The following RPS6KC1 variants were observed in gnomAD, a reference collection of about 807,000 sequenced individuals.
The protein encoded by RPS6KC1 is ribosomal protein S6 kinase C1.
A neutral mutation model predicts 103.8 loss-of-function variants in RPS6KC1; 54 were observed. The observed-to-expected ratio is 0.52, with a 90% CI of 0.42 to 0.65. RPS6KC1 has a LOEUF of 0.65. Ranked by LOEUF, RPS6KC1 falls within the 30% of genes least tolerant of loss-of-function variation. RPS6KC1 has a pLI of 0.00. For synonymous variants in RPS6KC1, 439 were observed against 438.7 expected, an observed-to-expected ratio of 1.00 and a Z score of -0.01; for missense variants, 1,151 against 1,253.8, an observed-to-expected ratio of 0.92 and a Z score of 1.24.
the RPS6KC1 span, among the ~76,000 whole-genome samples, chr1:213,336,424 G>A: frequency 6.6e-6 from 1 of 152,168 alleles, no homozygotes; most frequent in Admixed American, 6.5e-5. Context: ...CTAGAAGACT[G>A]CTGGGTGCAG....
At chr1:213,624,924 A>G in the RPS6KC1 span, among the ~76,000 whole-genome samples, 2 of 152,176 alleles carry the variant, frequency 1.3e-5, no homozygotes, top group Non-Finnish European at 2.9e-5. Flanking sequence ...CGACATAAAC[A>G]TTCAGTCTAT....
At chr1:213,790,913 T>C in the RPS6KC1 span, among the ~76,000 whole-genome samples, 1 of 108,056 alleles carries the variant, frequency 9.3e-6, no homozygotes, top group Non-Finnish European at 1.7e-5. Context: ...TTCCTTCTTT[T>C]AAATAGTGTT....
At chr1:213,472,341 T>C in the RPS6KC1 span, among the ~76,000 whole-genome samples, 4 of 152,342 alleles carry the variant, frequency 2.6e-5, no homozygotes, top group Middle Eastern at 3.4e-3. Flanking sequence ...ATGAACCATA[T>C]TGTTAGGTAA....
downstream of RPS6KC1, among the ~76,000 whole-genome samples, chr1:213,276,320 C>T (rs558711189): frequency 6.6e-6 from 1 of 152,140 alleles, no homozygotes; most frequent in African/African-American, 2.4e-5. Flanking sequence ...TAAAACTGAT[C>T]ATCTTTTTTC....
chr1:213,213,150 C>T (rs2148686556), intron 8 of RPS6KC1, among the ~76,000 whole-genome samples: 1 of 152,288 alleles, frequency 6.6e-6, no homozygotes, highest in African/African-American at 2.4e-5. Context: ...TCACCATATT[C>T]AGAGTTATCT....
At chr1:213,691,289 A>C in the RPS6KC1 span, among the ~76,000 whole-genome samples, 1 of 152,176 alleles carries the variant, frequency 6.6e-6, no homozygotes, top group Non-Finnish European at 1.5e-5. Context: ...TAAACCTCCA[A>C]AAGCAAATAC....
chr1:213,060,085 T>C (rs1305031068), intron 1 of RPS6KC1, among the ~76,000 whole-genome samples: 1 of 152,240 alleles, frequency 6.6e-6, no homozygotes, highest in Non-Finnish European at 1.5e-5. Flanking sequence ...CCCAAAGTGC[T>C]GGGATTGCCG....
the RPS6KC1 span, among the ~76,000 whole-genome samples, chr1:213,743,140 T>A: frequency 6.6e-6 from 1 of 152,232 alleles, no homozygotes; most frequent in East Asian, 1.9e-4. Flanking sequence ...TCAGCCTCGG[T>A]GTCCATCAAT....
At chr1:213,735,527 A>G in the RPS6KC1 span, among the ~76,000 whole-genome samples, 6 of 152,328 alleles carry the variant, frequency 3.9e-5, no homozygotes, top group African/African-American at 1.4e-4. Context: ...AGGTTGGCCT[A>G]CAATGTGAAA....
the RPS6KC1 span, among the ~76,000 whole-genome samples, chr1:213,637,676 C>T: frequency 6.6e-6 from 1 of 152,118 alleles, no homozygotes. Flanking sequence ...GTAGCTGTGT[C>T]ATTTTGCATT....
At chr1:213,109,168 G>T (rs113143975) in intron 4 of RPS6KC1, among the ~76,000 whole-genome samples, 3 of 151,802 alleles carry the variant, frequency 2.0e-5, no homozygotes, top group Non-Finnish European at 4.4e-5. Context: ...ACGGGGTCTC[G>T]CTCTGTTGCC....
chr1:213,609,179 C>T, the RPS6KC1 span, among the ~76,000 whole-genome samples: 7 of 152,196 alleles, frequency 4.6e-5, no homozygotes, highest in East Asian at 1.9e-4. Context: ...CCATATACCA[C>T]GTATAAATGT....
the RPS6KC1 span, among the ~76,000 whole-genome samples, chr1:213,406,567 C>T: frequency 1.3e-5 from 2 of 152,082 alleles, no homozygotes; most frequent in African/African-American, 4.8e-5. Context: ...GTTTTATCAC[C>T]CCTAGAAGAG....
At chr1:213,800,607 C>T in the RPS6KC1 span, among the ~76,000 whole-genome samples, 2 of 152,204 alleles carry the variant, frequency 1.3e-5, no homozygotes, top group South Asian at 4.2e-4. Context: ...GGACACCTGG[C>T]CACCTGTAAG....
At chr1:213,454,634 T>G in the RPS6KC1 span, among the ~76,000 whole-genome samples, 1 of 152,224 alleles carries the variant, frequency 6.6e-6, no homozygotes, top group South Asian at 2.1e-4. Flanking sequence ...TGTGTGTGTA[T>G]GTGTGATTTT....
At chr1:213,696,362 C>T in the RPS6KC1 span, among the ~76,000 whole-genome samples, 2 of 151,886 alleles carry the variant, frequency 1.3e-5, no homozygotes, top group African/African-American at 4.8e-5. Context: ...ATTAGCCAGG[C>T]ATGGTGGCAC....
chr1:213,683,453 C>A, the RPS6KC1 span, among the ~76,000 whole-genome samples: 1 of 152,122 alleles, frequency 6.6e-6, no homozygotes, highest in African/African-American at 2.4e-5. Context: ...TCTTGAGGTC[C>A]CCAGGCTAGT....
chr1:213,304,062 C>T, the RPS6KC1 span, among the ~76,000 whole-genome samples: 1 of 150,844 alleles, frequency 6.6e-6, no homozygotes, highest in African/African-American at 2.4e-5. Context: ...AAAAATTAGC[C>T]GGGCGTAGTG....
chr1:213,763,997 T>C, the RPS6KC1 span, among the ~76,000 whole-genome samples: 1 of 152,320 alleles, frequency 6.6e-6, no homozygotes, highest in South Asian at 2.1e-4. Context: ...TACGAATCCG[T>C]TATTGGCCCA....
Sources: allele counts gnomAD v4.1 joint callset (sites outside exome capture counted in the v4.1 genomes callset), GRCh38; gene constraint gnomAD v4.1.1; transcripts MANE v1.5; gene names NCBI Gene and HGNC (gene_info 2026-07-23, HGNC 2026-07-21).